Variants in SMYD3 observed in about 807,000 individuals in gnomAD.
SMYD3 encodes the protein SET and MYND domain containing 3.
A neutral mutation model predicts 57.7 loss-of-function variants in SMYD3; 36 were observed. The ratio of observed to expected loss-of-function variants is 0.62; its 90% CI spans 0.48 to 0.82. The LOEUF is 0.82. SMYD3 is among the 40% of genes least tolerant of loss of function. SMYD3 has a pLI of 0.00. For missense variants in SMYD3, 515 were observed against 538.8 expected, an observed-to-expected ratio of 0.96 and a Z score of 0.44; for synonymous variants, 211 against 195.0, an observed-to-expected ratio of 1.08 and a Z score of -0.68.
chr1:245,786,275 T>G (rs1030522795), intron 10 of SMYD3, among the ~76,000 whole-genome samples: 1 of 150,508 alleles, frequency 6.6e-6, no homozygotes, highest in African/African-American at 2.5e-5. Flanking sequence ...AACCTGGGTA[T>G]GATATCAAAA....
chr1:246,204,495 A>T (rs7535452), intron 5 of SMYD3, among the ~76,000 whole-genome samples: 20,150 of 152,170 alleles, frequency 0.13, 3,485 homozygotes, highest in African/African-American at 0.39. Flanking sequence ...AATTGGCTTA[A>T]CTCTTTCTTT....
intron 1 of SMYD3, among the ~76,000 whole-genome samples, chr1:246,442,935 C>T (rs983600649): frequency 6.6e-6 from 1 of 152,164 alleles, no homozygotes; most frequent in African/African-American, 2.4e-5. Context: ...ATCTCCCTTC[C>T]AGAATTCTTG....
At chr1:246,357,299 C>A (rs1338540460) in intron 1 of SMYD3, among the ~76,000 whole-genome samples, 1 of 152,096 alleles carries the variant, frequency 6.6e-6, no homozygotes, top group Non-Finnish European at 1.5e-5. Flanking sequence ...CTCACCAAAA[C>A]CAAGATAGTG....
chr1:245,789,276 T>A (rs1367497743), intron 10 of SMYD3, among the ~76,000 whole-genome samples: 1 of 152,180 alleles, frequency 6.6e-6, no homozygotes, highest in Non-Finnish European at 1.5e-5. Flanking sequence ...TCTCCGTAGC[T>A]CCTCACGTAT....
intron 5 of SMYD3, among the ~76,000 whole-genome samples, chr1:245,967,069 C>G (rs557765903): frequency 3.7e-4 from 57 of 152,238 alleles, no homozygotes; most frequent in African/African-American, 1.3e-3. Flanking sequence ...ACTTTTGATT[C>G]CATCAAAAGT....
chr1:246,273,600 T>TTA (rs369208951), intron 5 of SMYD3, among the ~76,000 whole-genome samples: 1 of 146,400 alleles, frequency 6.8e-6, no homozygotes, highest in African/African-American at 2.5e-5. Context: ...TTTTTTTTTT[T>TTA]AAAGACAGAG....
At chr1:246,477,574 T>C (rs974298210) in intron 1 of SMYD3, among the ~76,000 whole-genome samples, 4 of 152,250 alleles carry the variant, frequency 2.6e-5, no homozygotes, top group Non-Finnish European at 5.9e-5. Flanking sequence ...TTATCTAAAC[T>C]TACTATGTCA....
intron 5 of SMYD3, among the ~76,000 whole-genome samples, chr1:246,297,221 T>G (rs1040093183): frequency 3.9e-5 from 6 of 152,076 alleles, no homozygotes; most frequent in African/African-American, 1.4e-4. Flanking sequence ...ATGCCAACAT[T>G]TAAAGATCCA....
At chr1:245,816,804 CG>C (rs1558379090) in intron 10 of SMYD3, among the ~76,000 whole-genome samples, 1 of 152,148 alleles carries the variant, frequency 6.6e-6, no homozygotes, top group Non-Finnish European at 1.5e-5. Context: ...CCTGGAAAAT[CG>C]GGTCACTCCC....
chr1:245,892,811 C>T (rs1359148280), intron 8 of SMYD3, among the ~76,000 whole-genome samples: 1 of 152,166 alleles, frequency 6.6e-6, no homozygotes, highest in Non-Finnish European at 1.5e-5. Flanking sequence ...TCTTTCTCCT[C>T]TTGAATTAGG....
intron 10 of SMYD3, among the ~76,000 whole-genome samples, chr1:245,773,677 G>A (rs2046428154): frequency 6.6e-6 from 1 of 152,168 alleles, no homozygotes; most frequent in African/African-American, 2.4e-5. Flanking sequence ...TTTAGAGTGT[G>A]AAACATTTGA....
At chr1:246,399,607 A>G (rs2148783447) in intron 1 of SMYD3, among the ~76,000 whole-genome samples, 1 of 152,178 alleles carries the variant, frequency 6.6e-6, no homozygotes, top group East Asian at 1.9e-4. Flanking sequence ...GCTTTCCAAT[A>G]GTGCTGGGAC....
chr1:246,327,024 C>A, intron 5 of SMYD3, 177 bp downstream of exon 5: 1 of 684,900 alleles, frequency 1.5e-6, no homozygotes, highest in Non-Finnish European at 2.4e-6. Flanking sequence ...AATTCATACC[C>A]TTCTCAATGC....
At chr1:246,442,485 T>G (rs557291609) in intron 1 of SMYD3, among the ~76,000 whole-genome samples, 1 of 151,570 alleles carries the variant, frequency 6.6e-6, no homozygotes, top group Non-Finnish European at 1.5e-5. Flanking sequence ...GAGGCAGAGG[T>G]CGCAATGAGC....
At chr1:246,065,404 A>T (rs143897970) in intron 5 of SMYD3, among the ~76,000 whole-genome samples, 1 of 152,352 alleles carries the variant, frequency 6.6e-6, no homozygotes, top group East Asian at 1.9e-4. Flanking sequence ...TCAAAATGTC[A>T]GTTTACTAGA....
intron 5 of SMYD3, among the ~76,000 whole-genome samples, chr1:246,166,897 C>T (rs538025572): frequency 1.3e-5 from 2 of 152,334 alleles, no homozygotes; most frequent in South Asian, 4.1e-4. Flanking sequence ...ATTTGTATCA[C>T]TACAGAGGAA....
Position 246,347,228 on chromosome 1 carries a change from A to C in SMYD3, c.228+7803T>G, listed in dbSNP as rs564972326. Among the ~76,000 whole-genome samples, 33 of 152,328 alleles carry C rather than the reference A, an allele frequency of 2.2e-4. No homozygotes were observed. The South Asian group carries it at 6.8e-3, about 32-fold the overall frequency. On this transcript the variant is annotated intron_variant, in intron 2 of 11. Coordinates refer to ENST00000490107, the MANE Select transcript of SMYD3 (RefSeq NM_001167740.2). ...GATATGTGTAATAGGATATGTCAGA[A>C]GAAGAATAAAGAGAGAATGGAACAG...
intron 1 of SMYD3, among the ~76,000 whole-genome samples, chr1:246,496,854 C>G (rs908371769): frequency 6.6e-6 from 1 of 152,084 alleles, no homozygotes; most frequent in African/African-American, 2.4e-5. Flanking sequence ...TCAATATTAG[C>G]CTACTGTTAT....
At chr1:245,985,201 A>T (rs1046888642) in intron 5 of SMYD3, among the ~76,000 whole-genome samples, 1 of 151,842 alleles carries the variant, frequency 6.6e-6, no homozygotes, top group Admixed American at 6.6e-5. Flanking sequence ...ATCCCTTGGG[A>T]CCTGTCCTTG....
Sources: allele counts gnomAD v4.1 joint callset (sites outside exome capture counted in the v4.1 genomes callset), GRCh38; gene constraint gnomAD v4.1.1; transcripts MANE v1.5; gene names NCBI Gene and HGNC (gene_info 2026-07-23, HGNC 2026-07-21).